Variants in SHROOM4 observed in about 807,000 individuals in gnomAD.
SHROOM4 encodes the protein protein Shroom4.
SHROOM4 carries 17 observed loss-of-function variants against 80.3 expected under a neutral mutation model. The ratio of observed to expected loss-of-function variants is 0.21; its 90% CI spans 0.14 to 0.32. SHROOM4 has a LOEUF of 0.32. SHROOM4 is among the 10% of genes least tolerant of loss of function. SHROOM4 has a pLI of 1.00. For synonymous variants in SHROOM4, 400 were observed against 437.5 expected (o/e 0.91, Z 1.07); for missense variants, 993 against 1,140.3 (o/e 0.87, Z 1.86).
At chrX:50,627,857 T>C (rs1930872180) in intron 4 of SHROOM4, among the ~76,000 whole-genome samples, 182 bp from the exon 5 acceptor site, 1 of 111,828 alleles carries the variant, frequency 8.9e-6, no homozygotes, top group African/African-American at 3.3e-5. Flanking sequence ...GCAGGCTTGC[T>C]AAACTGCTGC....
Position 50,635,251 on chromosome X carries a change from TG to T in SHROOM4, c.821del (p.Pro274HisfsTer5), listed in dbSNP as rs1207987950. The T allele has an allele frequency of 8.3e-7, 1 of 1,202,086 alleles. No homozygotes were observed. Among genetic ancestry groups the T allele is most frequent in the African/African-American group, 1.7e-5 (1 of 57,264 alleles). ...SGPAKAVRGP[P>X]QPPVRRDSLQ... ...GGCTGTCCCGCCTCACTGGAGGTTGTGGTGGGCCCCTGACTGCTTTGGCGGG... is the reference window on the plus strand; with the variant it reads ...GGCTGTCCCGCCTCACTGGAGGTTGTGTGGGCCCCTGACTGCTTTGGCGGG... On this transcript the variant is annotated frameshift_variant, in exon 4 of 9. Coordinates refer to ENST00000376020, the MANE Select transcript of SHROOM4 (RefSeq NM_020717.5). LOFTEE classifies it high-confidence loss of function.
At chrX:50,603,465 G>A (rs896346098) in intron 6 of SHROOM4, among the ~76,000 whole-genome samples, 4 of 111,244 alleles carry the variant, frequency 3.6e-5, no homozygotes, top group African/African-American at 1.3e-4. Flanking sequence ...ACTTGTCACC[G>A]CCCACCACAT....
intron 1 of SHROOM4, among the ~76,000 whole-genome samples, chrX:50,731,560 C>T (rs940028343): frequency 8.9e-6 from 1 of 111,979 alleles, no homozygotes; most frequent in Non-Finnish European, 1.9e-5. Flanking sequence ...GTGTTATGAA[C>T]ACCAGAGCTC....
At chrX:50,759,884 G>T (rs368974206) in intron 1 of SHROOM4, among the ~76,000 whole-genome samples, 11 of 111,560 alleles carry the variant, frequency 9.9e-5, no homozygotes, top group African/African-American at 3.6e-4. Flanking sequence ...TCCATCTGTT[G>T]TTGACTTCTA....
chrX:50,655,637 C>T (rs782218165), intron 2 of SHROOM4, among the ~76,000 whole-genome samples: 1 of 107,369 alleles, frequency 9.3e-6, no homozygotes, highest in Non-Finnish European at 1.9e-5. Flanking sequence ...ATTCTTTATT[C>T]ATTCATTTAT....
At position 50,634,032 on chromosome X, in the gene SHROOM4, A is replaced by G. The variant is rs200395699; in HGVS notation, c.2041T>C (p.Leu681=). 24 of 1,210,244 alleles carry G rather than the reference A, an allele frequency of 2.0e-5. No individual in the cohort carries two copies. The South Asian group carries it at 3.5e-4, about 18-fold the overall frequency. The part of the protein sequence containing the change: ...APESHESRTG[L]EGRISPGQRP... Reference sequence around the variant, plus strand: ...TGGCCAGGGCTTATTCGTCCCTCTAAGCCTGTCCTAGATTCATGGCTCTCA... The same window carrying G: ...TGGCCAGGGCTTATTCGTCCCTCTAGGCCTGTCCTAGATTCATGGCTCTCA... The change falls in exon 4 of 9, where the codon TTA becomes CTA. Residue 681 remains leucine, a synonymous_variant. Transcript: ENST00000376020.
At chrX:50,578,312 T>G in the SHROOM4 span, among the ~76,000 whole-genome samples, 2 of 112,395 alleles carry the variant, frequency 1.8e-5, no homozygotes, top group African/African-American at 6.5e-5. Context: ...TTATTTATTT[T>G]TATAAATTTT....
At chrX:50,694,191 TTA>T (rs782781390) in intron 2 of SHROOM4, among the ~76,000 whole-genome samples, 11 of 111,277 alleles carry the variant, frequency 9.9e-5, no homozygotes, top group East Asian at 2.8e-4. Context: ...GATATCTCTT[TTA>T]TATGATTTCC....
At chrX:50,694,739 G>A (rs1933325041) in intron 2 of SHROOM4, among the ~76,000 whole-genome samples, 1 of 107,648 alleles carries the variant, frequency 9.3e-6, no homozygotes, top group Non-Finnish European at 1.9e-5. Context: ...TAGTTTCAGT[G>A]GAGTTCTGAG....
rs782379365 is a variant in SHROOM4 at position 50,747,101 on chromosome X, A to G, written c.118-51164T>C. On this transcript the variant is annotated intron_variant, in intron 1 of 8. Transcript: ENST00000376020. ...AGGACTTGTCCCAGATCATATTCATAGTGACTAGCACAGGAGAAACTGAAA... is the reference window on the plus strand; with the variant it reads ...AGGACTTGTCCCAGATCATATTCATGGTGACTAGCACAGGAGAAACTGAAA... Among the ~76,000 whole-genome samples, 167 of 112,129 alleles carry G rather than the reference A, an allele frequency of 1.5e-3. 1 individual carries two copies. Among genetic ancestry groups the G allele is most frequent in the Middle Eastern group, 4.6e-3 (1 of 217 alleles).
At chrX:50,606,031 TAGA>T (rs1276352689) in intron 6 of SHROOM4, among the ~76,000 whole-genome samples, 1 of 111,073 alleles carries the variant, frequency 9.0e-6, no homozygotes, top group African/African-American at 3.3e-5. Flanking sequence ...GCTCCCCAGG[TAGA>T]AGAACAGCTT....
At chrX:50,694,559 T>C (rs1933317267) in intron 2 of SHROOM4, among the ~76,000 whole-genome samples, 2 of 91,718 alleles carry the variant, frequency 2.2e-5, no homozygotes, top group Non-Finnish European at 4.3e-5. Flanking sequence ...TTTTTTTTTT[T>C]TTTTTTTTTT....
intron 2 of SHROOM4, among the ~76,000 whole-genome samples, chrX:50,674,135 G>A (rs1424404175): frequency 9.0e-6 from 1 of 110,883 alleles, no homozygotes; most frequent in Non-Finnish European, 1.9e-5. Context: ...TCATGGATTA[G>A]AAGACGCAAT....
At chrX:50,765,074 C>T (rs782192457) in intron 1 of SHROOM4, among the ~76,000 whole-genome samples, 16 of 111,590 alleles carry the variant, frequency 1.4e-4, no homozygotes, top group Non-Finnish European at 2.6e-4. Flanking sequence ...TCCCATGATT[C>T]AACTACCTCC....
chrX:50,813,777 G>A (rs1486399580), intron 1 of SHROOM4, 125 bp downstream of exon 1: 1 of 517,395 alleles, frequency 1.9e-6, no homozygotes, highest in Non-Finnish European at 3.4e-6. Flanking sequence ...GTGCCGCTCA[G>A]AGGGTCTTTC....
intron 1 of SHROOM4, among the ~76,000 whole-genome samples, chrX:50,731,229 A>G (rs1218066032): frequency 9.8e-6 from 1 of 101,934 alleles, no homozygotes; most frequent in Middle Eastern, 4.5e-3. Context: ...AATTTGGTTT[A>G]AAAAAAAAAA....
At chrX:50,663,263 T>C (rs1453843926) in intron 2 of SHROOM4, among the ~76,000 whole-genome samples, 3 of 112,014 alleles carry the variant, frequency 2.7e-5, no homozygotes, top group African/African-American at 9.7e-5. Flanking sequence ...ATTTTTGTTT[T>C]GTTTGTTCAT....
chrX:50,624,613 CTT>C (rs36097095), intron 5 of SHROOM4, among the ~76,000 whole-genome samples: 15 of 92,390 alleles, frequency 1.6e-4, no homozygotes, highest in Admixed American at 1.2e-4. Flanking sequence ...ATCTTTTTAT[CTT>C]TTTTTTTTTT....
chrX:50,610,536 T>C (rs531819515), intron 5 of SHROOM4, among the ~76,000 whole-genome samples: 2 of 111,757 alleles, frequency 1.8e-5, no homozygotes, highest in Middle Eastern at 9.2e-3. Flanking sequence ...CCACCTGATA[T>C]CATATCACAT....
Sources: gnomAD v4.1 joint callset for allele counts (sites outside exome capture counted in the v4.1 genomes callset) on GRCh38, gnomAD v4.1.1 for gene constraint, MANE v1.5 for transcripts, NCBI Gene and HGNC (gene_info 2026-07-23, HGNC 2026-07-21) for gene names.